The following USP47 variants were observed in gnomAD, a reference collection of about 807,000 sequenced individuals.
USP47 encodes ubiquitin carboxyl-terminal hydrolase 47.
A neutral mutation model predicts 165.1 loss-of-function variants in USP47; 35 were observed. The observed-to-expected ratio is 0.21, with a 90% confidence interval of 0.16 to 0.28. The LOEUF is 0.28. USP47 is among the 10% of genes least tolerant of loss of function. The pLI is 1.00. For missense variants in USP47, 1,277 were observed against 1,607.4 expected (o/e 0.79, Z 3.52); for synonymous variants, 531 against 544.5 (o/e 0.98, Z 0.35).
rs1360341973 is a variant in USP47, at chr11:11,960,127, AATCTT to A, written c.*3959_*3963del. Among the ~76,000 whole-genome samples, 4 of 152,136 alleles carry A rather than the reference AATCTT, an allele frequency of 2.6e-5. No individual in the cohort carries two copies. Among genetic ancestry groups the A allele is most frequent in the African/African-American group, 4.8e-5 (2 of 41,418 alleles). On this transcript the variant is annotated 3_prime_UTR_variant, in exon 28 of 28. Coordinates refer to ENST00000527733, the MANE Select transcript of USP47 (RefSeq NM_001282659.2). ...TTAAGTCATTTTGCATTATTAAGAC[AATCTT>A]ATCTTAAAGTTCAGTGGTTTCATTC...
Position 11,942,858 on chromosome 11 carries a change from A to T in USP47, c.2837A>T (p.His946Leu), listed in dbSNP as rs1170355503. The change falls in exon 20 of 28, where the codon CAT becomes CTT. Residue 946 changes from histidine (H) to leucine (L), a missense_variant. His to Leu is a moderately conservative substitution (Grantham distance 99). Transcript: ENST00000527733. ...GACAGTGATATTCTTAGCTCCAGTC[A>T]TAGCAGTGATACTTTGTGCAATGCA... is the stretch of plus-strand genomic sequence containing the variant. ...SVDSDILSSSHSSDTLCNADN... is the reference protein window; with the variant it reads ...SVDSDILSSSLSSDTLCNADN... 2.5e-6 allele frequency: 4 copies of T among 1,613,770 alleles called. No homozygotes were observed. The highest frequency in any genetic ancestry group is 1.7e-6 in the Non-Finnish European group (2 of 1,179,766).
chr11:11,882,454 G>A (rs955566864), intron 2 of USP47, among the ~76,000 whole-genome samples: 2 of 151,922 alleles, frequency 1.3e-5, no homozygotes, highest in African/African-American at 4.8e-5. Context: ...TAAAAATATA[G>A]AACTAATGTT....
chr11:11,866,897 A>C (rs1235939561), intron 1 of USP47, among the ~76,000 whole-genome samples: 1 of 150,354 alleles, frequency 6.7e-6, no homozygotes, highest in African/African-American at 2.5e-5. Context: ...TTAATTTTTA[A>C]TTTTTACTTT....
chr11:11,883,019 C>T (rs568790748), intron 2 of USP47, among the ~76,000 whole-genome samples: 6 of 152,252 alleles, frequency 3.9e-5, no homozygotes, highest in Non-Finnish European at 7.4e-5. Context: ...CTGCTTACTG[C>T]GTAGTGCTGA....
chr11:11,956,916 A>G lies in USP47; in HGVS notation c.*741A>G, dbSNP rs1477378686. On this transcript the variant is annotated 3_prime_UTR_variant, in exon 28 of 28. Coordinates refer to ENST00000527733, the MANE Select transcript of USP47 (RefSeq NM_001282659.2). ...GTTTCATTCATTTATTCAGCATGTAAATAAAATTGATCCTGTTGAGTTATC... is the reference window on the plus strand; with the variant it reads ...GTTTCATTCATTTATTCAGCATGTAGATAAAATTGATCCTGTTGAGTTATC... 1 of 152,246 alleles carries G rather than the reference A, an allele frequency of 6.6e-6. No homozygotes were observed. The highest frequency in any genetic ancestry group is 2.4e-5 in the African/African-American group (1 of 41,452). The allele number at this position is 152,246 out of a possible 1,614,324, so 9.4% of individuals were successfully genotyped here.
At chr11:11,949,095 A>T (rs1331160362) in intron 22 of USP47, 1 of 152,578 alleles carries the variant, frequency 6.6e-6, no homozygotes, top group East Asian at 1.9e-4. Flanking sequence ...ACTATTTCTT[A>T]TTCTCATTCT....
chr11:11,924,901 T>C (rs1381670462), intron 11 of USP47, among the ~76,000 whole-genome samples: 1 of 152,200 alleles, frequency 6.6e-6, no homozygotes, highest in East Asian at 1.9e-4. Context: ...GGGGTTTTTT[T>C]CTTCCAAAGG....
chr11:11,850,909 A>T (rs1437593266), intron 1 of USP47, among the ~76,000 whole-genome samples: 1 of 152,202 alleles, frequency 6.6e-6, no homozygotes, highest in African/African-American at 2.4e-5. Flanking sequence ...GTGGAAGGAG[A>T]CAAGGCAGCT....
intron 8 of USP47, among the ~76,000 whole-genome samples, chr11:11,917,312 TATTCAG>T (rs942256750): frequency 1.1e-4 from 17 of 152,098 alleles, no homozygotes; most frequent in South Asian, 8.3e-4. Flanking sequence ...CAAGTTTGAA[TATTCAG>T]GAACTCATTG....
At position 11,872,971 on chromosome 11, in the gene USP47, A is replaced by G. The variant is rs548168642; in HGVS notation, c.40-7206A>G. Among the ~76,000 whole-genome samples, 11 of 152,300 alleles carry G rather than the reference A, an allele frequency of 7.2e-5. No homozygotes were observed. In the East Asian group the frequency reaches 2.1e-3, roughly 29 times the overall value. On this transcript the variant is annotated intron_variant, in intron 1 of 27. Coordinates refer to ENST00000527733, the MANE Select transcript of USP47 (RefSeq NM_001282659.2). ...AAAACAATGAGTATTGAGGGACAAG[A>G]AGTAGATTTCAAATACTGGTATATG...
At chr11:11,946,321 A>G in intron 20 of USP47, among the ~76,000 whole-genome samples, 1 of 152,232 alleles carries the variant, frequency 6.6e-6, no homozygotes, top group East Asian at 1.9e-4. Flanking sequence ...AGGCCATCAA[A>G]TTCCAGAACC....
At chr11:11,906,706 C>G (rs1852594070) in intron 8 of USP47, among the ~76,000 whole-genome samples, 1 of 151,962 alleles carries the variant, frequency 6.6e-6, no homozygotes, top group Admixed American at 6.6e-5. Flanking sequence ...TTTTAAATGG[C>G]CATCTAGGTG....
In USP47 at chr11:11,892,031, G is replaced by A. The variant is rs768301057; in HGVS notation, c.421G>A (p.Gly141Ser). The change falls in exon 4 of 28, where the codon GGT becomes AGT. Residue 141 changes from glycine (G) to serine (S), a missense_variant. Around this residue, in one of 4 missense-constraint regions of USP47, gnomAD observed 181 missense variants for 194.7 expected, o/e 0.93. Transcript: ENST00000527733. ...DRFIGPLPRE[G>S]SGGSTSDYVS... ...GTTTATAGGTCCGCTTCCAAGAGAA[G>A]GTTCTGGGGGTTCTACCAGTGATTA... The A allele has an allele frequency of 2.5e-6, 4 of 1,613,914 alleles. No individual in the cohort carries two copies. Among genetic ancestry groups the A allele is most frequent in the Non-Finnish European group, 3.4e-6 (4 of 1,179,886 alleles).
chr11:11,873,217 A>G (rs2134257750), intron 1 of USP47, among the ~76,000 whole-genome samples: 1 of 152,308 alleles, frequency 6.6e-6, no homozygotes, highest in Non-Finnish European at 1.5e-5. Context: ...AGGGAGAATA[A>G]GACAAAATAT....
chr11:11,896,299 T>C (rs1851843013), intron 4 of USP47, among the ~76,000 whole-genome samples: 1 of 152,144 alleles, frequency 6.6e-6, no homozygotes, highest in Non-Finnish European at 1.5e-5. Context: ...AAGTGATACA[T>C]GATTGATGTG....
In USP47 at chr11:11,936,466, A is replaced by G; in HGVS notation, c.2033A>G (p.Glu678Gly). Residue 678 changes from glutamate (E) to glycine (G), a missense_variant, in exon 17 of 28, where the codon GAG becomes GGG. Physicochemically the swap from Glu to Gly is moderately conservative, Grantham distance 98. Coordinates refer to ENST00000527733, the MANE Select transcript of USP47 (RefSeq NM_001282659.2). ...ACATATATGTTTGATCTGCTGTTGG[A>G]GACGAGAAAGCCTGATCAGGTTTTC... ...KSTYMFDLLL[E>G]TRKPDQVFQS... The G allele has an allele frequency of 6.2e-7, 1 of 1,604,210 alleles. No individual in the cohort carries two copies. The highest frequency in any genetic ancestry group is 1.1e-5 in the South Asian group (1 of 89,944).
intron 1 of USP47, among the ~76,000 whole-genome samples, chr11:11,864,338 A>G (rs1425165877): frequency 6.6e-6 from 1 of 152,106 alleles, no homozygotes; most frequent in African/African-American, 2.4e-5. Context: ...GAGTTAAGCT[A>G]TTTATAAAAA....
chr11:11,887,003 A>G (rs1851204897), intron 3 of USP47, among the ~76,000 whole-genome samples: 1 of 152,170 alleles, frequency 6.6e-6, no homozygotes, highest in African/African-American at 2.4e-5. Flanking sequence ...GCAAAGGAAA[A>G]ATATGATCCT....
At chr11:11,873,888 T>C in intron 1 of USP47, 1 of 1,346,890 alleles carries the variant, frequency 7.4e-7, no homozygotes, top group Non-Finnish European at 9.9e-7. Flanking sequence ...TGCTTTAATG[T>C]GATAATCAGC....
Sources: allele counts gnomAD v4.1 joint callset (sites outside exome capture counted in the v4.1 genomes callset), GRCh38; gene constraint gnomAD v4.1.1; regional missense constraint gnomAD v4.1.1; transcripts MANE v1.5; gene names NCBI Gene and HGNC (gene_info 2026-07-23, HGNC 2026-07-21).